TENM2: variants seen among roughly 807,000 people sequenced by gnomAD.
The protein encoded by TENM2 is teneurin transmembrane protein 2.
TENM2 carries 52 observed loss-of-function variants against 245.2 expected under a neutral mutation model. The ratio of observed to expected loss-of-function variants is 0.21; its 90% CI spans 0.17 to 0.27. The LOEUF is 0.27. Among genes scored for constraint, TENM2 ranks in the 10% least tolerant of loss-of-function variants. The probability of loss-of-function intolerance (pLI) is 1.00; values close to 1 mark genes in which losing one functional copy is unlikely to be tolerated. For synonymous variants in TENM2, 1,363 were observed against 1,438.9 expected (o/e 0.95, Z 1.19); for missense variants, 3,046 against 3,666.8 (o/e 0.83, Z 4.37).
At chr5:168,207,339 G>C (rs1057231380) in intron 19 of TENM2, among the ~76,000 whole-genome samples, 4 of 152,126 alleles carry the variant, frequency 2.6e-5, no homozygotes, top group African/African-American at 9.7e-5. Flanking sequence ...CTCTCGAGTT[G>C]TGGAGGCCAC....
At chr5:167,456,843 G>T in intron 2 of TENM2, among the ~76,000 whole-genome samples, 1 of 152,282 alleles carries the variant, frequency 6.6e-6, no homozygotes, top group Middle Eastern at 3.4e-3. Context: ...AATATTAAAA[G>T]TATATGTTCT....
At chr5:168,124,428 T>C (rs1795696210) in intron 10 of TENM2, among the ~76,000 whole-genome samples, 1 of 152,230 alleles carries the variant, frequency 6.6e-6, no homozygotes, top group Admixed American at 6.5e-5. Flanking sequence ...CTTTTCTCTC[T>C]TATAGTGAGG....
intron 1 of TENM2, among the ~76,000 whole-genome samples, chr5:167,357,521 A>C (rs1300984074): frequency 6.6e-6 from 1 of 151,734 alleles, no homozygotes; most frequent in East Asian, 1.9e-4. Context: ...CAGCCTCCCA[A>C]AGTGCTGGGA....
At chr5:167,911,387 C>A (rs1329372101) in intron 3 of TENM2, among the ~76,000 whole-genome samples, 1 of 151,978 alleles carries the variant, frequency 6.6e-6, no homozygotes, top group Non-Finnish European at 1.5e-5. Flanking sequence ...AATAGCTGGG[C>A]GTGGTGGCGG....
chr5:167,678,356 C>T (rs777271088), intron 2 of TENM2, among the ~76,000 whole-genome samples: 1 of 151,992 alleles, frequency 6.6e-6, no homozygotes. Flanking sequence ...TTAAAATAAG[C>T]CATTAAAAAG....
chr5:167,776,433 C>T (rs1457530526), intron 2 of TENM2, among the ~76,000 whole-genome samples: 1 of 150,844 alleles, frequency 6.6e-6, no homozygotes, highest in Admixed American at 6.6e-5. Flanking sequence ...CCCATCTCTA[C>T]AAAAATACAA....
intron 5 of TENM2, among the ~76,000 whole-genome samples, chr5:168,036,626 A>C (rs1426897722): frequency 1.4e-5 from 2 of 141,788 alleles, no homozygotes; most frequent in East Asian, 2.0e-4. Context: ...ACAAGAGCGA[A>C]ACTCCATCAA....
intron 1 of TENM2, among the ~76,000 whole-genome samples, chr5:167,292,195 G>A (rs1376596854): frequency 6.6e-6 from 1 of 152,182 alleles, no homozygotes; most frequent in Non-Finnish European, 1.5e-5. Context: ...GATGAGATTT[G>A]AGTGGGGACA....
At chr5:167,036,612 C>T in the TENM2 span, among the ~76,000 whole-genome samples, 1 of 152,206 alleles carries the variant, frequency 6.6e-6, no homozygotes, top group Admixed American at 6.5e-5. Context: ...AAATACTCCC[C>T]TCACCCCTCC....
chr5:167,316,726 G>A (rs1756386270), intron 1 of TENM2, among the ~76,000 whole-genome samples: 1 of 152,168 alleles, frequency 6.6e-6, no homozygotes, highest in Admixed American at 6.5e-5. Context: ...GTCAGATAAT[G>A]TCGACCAATA....
chr5:167,460,245 G>T (rs188813460), intron 2 of TENM2, among the ~76,000 whole-genome samples: 20 of 152,204 alleles, frequency 1.3e-4, no homozygotes, highest in African/African-American at 4.8e-4. Context: ...TCCAATGTTT[G>T]TAATACATTA....
chr5:167,354,005 A>G (rs552453688), intron 1 of TENM2, among the ~76,000 whole-genome samples: 3 of 152,368 alleles, frequency 2.0e-5, no homozygotes, highest in Non-Finnish European at 4.4e-5. Context: ...AAAGAAACAT[A>G]GAATAAAGTA....
At chr5:167,411,338 C>A (rs1762895655) in intron 2 of TENM2, among the ~76,000 whole-genome samples, 1 of 152,084 alleles carries the variant, frequency 6.6e-6, no homozygotes, top group Non-Finnish European at 1.5e-5. Flanking sequence ...TTACAAATTC[C>A]TTTGCCCAAT....
intron 2 of TENM2, among the ~76,000 whole-genome samples, chr5:167,700,064 C>T (rs1287842217): frequency 1.3e-5 from 2 of 152,080 alleles, no homozygotes; most frequent in Non-Finnish European, 2.9e-5. Context: ...CTTCAGACCT[C>T]TTCACAGACA....
chr5:167,920,943 C>G (rs754193617), intron 3 of TENM2, among the ~76,000 whole-genome samples: 3 of 152,102 alleles, frequency 2.0e-5, no homozygotes, highest in Non-Finnish European at 4.4e-5. Context: ...GGTTATTATC[C>G]TCTCTCACCC....
rs1755384765 is a variant in TENM2 at position 167,302,339 on chromosome 5, T to C, written c.226+17276T>C. ...GTTTTAGGTTTTTAAGAACACAGGC[T>C]AAGGGAGAAGAAGGAGGAATGGAGG... is the stretch of plus-strand genomic sequence containing the variant. On this transcript the variant is annotated intron_variant, in intron 1 of 28. Transcript: ENST00000518659. 2.6e-5 allele frequency among the ~76,000 whole-genome samples: 4 copies of C among 151,744 alleles called. No homozygotes were observed. In the South Asian group the frequency reaches 8.3e-4, roughly 32 times the overall value.
chr5:168,082,737 G>C (rs187965648), intron 7 of TENM2, among the ~76,000 whole-genome samples: 11 of 152,278 alleles, frequency 7.2e-5, no homozygotes, highest in African/African-American at 1.2e-4. Flanking sequence ...CTGTTTGCCT[G>C]GGTATCACCA....
At chr5:167,898,687 C>G (rs1213552849) in intron 3 of TENM2, among the ~76,000 whole-genome samples, 1 of 152,162 alleles carries the variant, frequency 6.6e-6, no homozygotes, top group Non-Finnish European at 1.5e-5. Flanking sequence ...TAAGGAGAAC[C>G]TTGCCTAAGG....
intron 12 of TENM2, among the ~76,000 whole-genome samples, chr5:168,127,787 T>G (rs1489429627): frequency 1.3e-5 from 2 of 152,192 alleles, no homozygotes; most frequent in Non-Finnish European, 2.9e-5. Context: ...TGTTATTTAA[T>G]TAGATCAAGC....
Sources: allele counts gnomAD v4.1 joint callset (sites outside exome capture counted in the v4.1 genomes callset), GRCh38; gene constraint gnomAD v4.1.1; transcripts MANE v1.5; gene names NCBI Gene and HGNC (gene_info 2026-07-23, HGNC 2026-07-21).